ANKRD33B: variants seen among roughly 807,000 people sequenced by gnomAD.
ANKRD33B encodes ankyrin repeat domain-containing protein 33B.
In ANKRD33B, 6 loss-of-function variants were observed where a neutral mutation model predicts 21.5. The observed-to-expected ratio is 0.28, with a 90% confidence interval of 0.15 to 0.55. The LOEUF (loss-of-function observed/expected upper bound fraction) is 0.55. ANKRD33B is among the 20% of genes least tolerant of loss of function. The probability of loss-of-function intolerance (pLI) is 0.94; values close to 1 mark genes in which losing one functional copy is unlikely to be tolerated. For synonymous variants in ANKRD33B, 347 were observed against 342.4 expected (o/e 1.01, Z -0.15); for missense variants, 698 against 747.2 (o/e 0.93, Z 0.77).
At chr5:10,599,629 C>T (rs1045590273) in intron 1 of ANKRD33B, among the ~76,000 whole-genome samples, 2 of 152,098 alleles carry the variant, frequency 1.3e-5, no homozygotes, top group Non-Finnish European at 2.9e-5. Flanking sequence ...GCATGATATG[C>T]TCAGTGTTCA....
In ANKRD33B at chr5:10,564,360, C is replaced by T; in HGVS notation, c.-108C>T. ...CCGCCGAGCTGGAGCGCGCGGGCCACGGCTTCTCTGGGGACGCAGAAGCGA... is the reference window on the plus strand; with the variant it reads ...CCGCCGAGCTGGAGCGCGCGGGCCATGGCTTCTCTGGGGACGCAGAAGCGA... On this transcript the variant is annotated 5_prime_UTR_variant, in exon 1 of 4. In the 5' UTR this introduces an upstream ATG that the reference lacks. Transcript: ENST00000296657. 1.2e-6 allele frequency: 1 copy of T among 800,326 alleles called. No homozygotes were observed. Among genetic ancestry groups the T allele is most frequent in the Non-Finnish European group, 1.5e-6 (1 of 656,448 alleles). 49.6% of individuals were successfully genotyped at this position (800,326 alleles called of 1,614,324 possible).
intron 1 of ANKRD33B, among the ~76,000 whole-genome samples, chr5:10,615,636 T>A (rs1192607583): frequency 6.6e-6 from 1 of 152,242 alleles, no homozygotes; most frequent in Non-Finnish European, 1.5e-5. Context: ...GTGTGTCTGG[T>A]CTATAACTTT....
At position 10,649,315 on chromosome 5, in the gene ANKRD33B, G is replaced by T; in HGVS notation, c.687G>T (p.Glu229Asp). Residue 229 changes from glutamate (E) to aspartate (D), a missense_variant, in exon 4 of 4, where the codon GAG (glutamate) becomes GAT (aspartate). Physicochemically the swap from Glu to Asp is conservative, Grantham distance 45 (BLOSUM62 2). Transcript: ENST00000296657. ...CCCGCCGTGGGATGTCGCCGCAGGA[G>T]TGGGCCACTTACACGGGCCGCGTGG... ...RDPRRGMSPQ[E>D]WATYTGRVDA... 1.3e-6 allele frequency: 2 copies of T among 1,533,834 alleles called. No individual in the cohort carries two copies. Among genetic ancestry groups the T allele is most frequent in the Non-Finnish European group, 1.7e-6 (2 of 1,146,016 alleles).
At position 10,642,792 on chromosome 5, in the gene ANKRD33B, T is replaced by C. The variant is rs549152505; in HGVS notation, c.637+4624T>C. Among the ~76,000 whole-genome samples, 4 of 152,376 alleles carry C rather than the reference T, an allele frequency of 2.6e-5. 1 individual carries two copies. In the East Asian group the frequency reaches 7.7e-4, roughly 29 times the overall value. The stretch of plus-strand genomic sequence containing the variant: ...AAAAAATACGGTTTGTTTTTCCCTT[T>C]GAGAAATATCTTGTAAATGAGATAC... On this transcript the variant is annotated intron_variant, in intron 3 of 3. Coordinates refer to ENST00000296657, the MANE Select transcript of ANKRD33B (RefSeq NM_001164440.2).
intron 3 of ANKRD33B, among the ~76,000 whole-genome samples, chr5:10,641,484 C>A (rs1335496554): frequency 6.6e-6 from 1 of 152,000 alleles, no homozygotes; most frequent in Admixed American, 6.6e-5. Context: ...CCGCCTTAGC[C>A]TCCCAAAGTT....
intron 3 of ANKRD33B, among the ~76,000 whole-genome samples, chr5:10,648,332 A>G (rs1173881396): frequency 6.6e-6 from 1 of 152,232 alleles, no homozygotes; most frequent in African/African-American, 2.4e-5. Context: ...CTGGGGTGCC[A>G]CCACTTTGCA....
chr5:10,568,692 G>T lies in ANKRD33B; in HGVS notation c.366+3859G>T, dbSNP rs181060058. 1.3e-3 allele frequency among the ~76,000 whole-genome samples: 203 copies of T among 152,290 alleles called. 1 individual carries two copies. The highest frequency in any genetic ancestry group is 4.6e-3 in the African/African-American group (190 of 41,568). On this transcript the variant is annotated intron_variant, in intron 1 of 3. Coordinates refer to ENST00000296657, the MANE Select transcript of ANKRD33B (RefSeq NM_001164440.2). Reference sequence around the variant, plus strand: ...TGGGATTACAGGCGTGCGCCACCACGCCCGGCTAATTTTTGTATTTTTAGT... The same window carrying T: ...TGGGATTACAGGCGTGCGCCACCACTCCCGGCTAATTTTTGTATTTTTAGT...
intron 1 of ANKRD33B, among the ~76,000 whole-genome samples, chr5:10,591,195 G>GTT (rs112409223): frequency 7.6e-6 from 1 of 132,068 alleles, no homozygotes; most frequent in Non-Finnish European, 1.6e-5. Context: ...TTTTTTAGTG[G>GTT]TTTTTTTTTT....
At chr5:10,621,616 G>A (rs977208780) in intron 2 of ANKRD33B, among the ~76,000 whole-genome samples, 1 of 152,218 alleles carries the variant, frequency 6.6e-6, no homozygotes, top group African/African-American at 2.4e-5. Flanking sequence ...TCATTAATTA[G>A]TGATGGGCTA....
intron 1 of ANKRD33B, 21 bp downstream of exon 1, chr5:10,564,854 G>A (rs1463571829): frequency 8.1e-6 from 12 of 1,477,786 alleles, no homozygotes; most frequent in Non-Finnish European, 1.1e-5. Flanking sequence ...GTCCCCGCAG[G>A]ATTTGAGCCC....
intron 3 of ANKRD33B, among the ~76,000 whole-genome samples, chr5:10,647,177 T>C (rs1737207716): frequency 6.6e-6 from 1 of 152,052 alleles, no homozygotes; most frequent in Admixed American, 6.6e-5. Context: ...CGATCTCGGC[T>C]CACTGCAACC....
chr5:10,568,375 T>G (rs911321468), intron 1 of ANKRD33B, among the ~76,000 whole-genome samples: 1 of 152,268 alleles, frequency 6.6e-6, no homozygotes, highest in African/African-American at 2.4e-5. Flanking sequence ...TTTATGGCCT[T>G]GGCGGCTCTT....
At chr5:10,614,172 G>A (rs1239479618) in intron 1 of ANKRD33B, among the ~76,000 whole-genome samples, 1 of 152,184 alleles carries the variant, frequency 6.6e-6, no homozygotes, top group Non-Finnish European at 1.5e-5. Flanking sequence ...TGCCGGTCAA[G>A]TTTCTTCTTT....
At chr5:10,590,371 T>C (rs1735654425) in intron 1 of ANKRD33B, among the ~76,000 whole-genome samples, 1 of 152,140 alleles carries the variant, frequency 6.6e-6, no homozygotes, top group African/African-American at 2.4e-5. Flanking sequence ...GCAGTCTAGG[T>C]TGTAGTTTTT....
chr5:10,564,692 C>G lies in ANKRD33B; in HGVS notation c.225C>G (p.Val75=). ...EEHGVESAES[V]PEGVPESVPE... ...ACGGCGTCGAGAGCGCGGAGAGCGT[C>G]CCGGAGGGCGTCCCGGAAAGCGTCC... The change falls in exon 1 of 4, where the codon GTC becomes GTG. Residue 75 remains valine, a synonymous_variant. Transcript: ENST00000296657. 6.5e-7 allele frequency: 1 copy of G among 1,533,830 alleles called. No homozygotes were observed. The highest frequency in any genetic ancestry group is 8.7e-7 in the Non-Finnish European group (1 of 1,145,856).
intron 1 of ANKRD33B, among the ~76,000 whole-genome samples, chr5:10,594,816 C>T (rs1354203092): frequency 6.6e-6 from 1 of 152,084 alleles, no homozygotes; most frequent in Non-Finnish European, 1.5e-5. Flanking sequence ...GTGGGTCCTT[C>T]GGGGAAAGTG....
chr5:10,609,433 T>C (rs940152045), intron 1 of ANKRD33B, among the ~76,000 whole-genome samples: 1 of 152,046 alleles, frequency 6.6e-6, no homozygotes, highest in Admixed American at 6.5e-5. Flanking sequence ...TCACCCATAG[T>C]CCCAGCTACT....
intron 1 of ANKRD33B, among the ~76,000 whole-genome samples, chr5:10,609,728 G>A (rs1190759060): frequency 1.3e-5 from 2 of 152,152 alleles, no homozygotes; most frequent in African/African-American, 2.4e-5. Context: ...GGCCGACGTG[G>A]TGAAACCCCA....
At chr5:10,606,727 T>C (rs554748188) in intron 1 of ANKRD33B, among the ~76,000 whole-genome samples, 153 of 149,338 alleles carry the variant, frequency 1.0e-3, no homozygotes, top group African/African-American at 2.6e-3. Context: ...AGCAAGACTC[T>C]GTCTTTTTTT....
Sources: gnomAD v4.1 joint callset for allele counts (sites outside exome capture counted in the v4.1 genomes callset) on GRCh38, gnomAD v4.1.1 for gene constraint, MANE v1.5 for transcripts, NCBI Gene and HGNC (gene_info 2026-07-23, HGNC 2026-07-21) for gene names.